Variants in TMEM255B observed in about 807,000 individuals in gnomAD.
TMEM255B encodes transmembrane protein 255B.
A neutral mutation model predicts 34.5 loss-of-function variants in TMEM255B; 35 were observed. That is an observed-to-expected ratio of 1.01 (90% CI 0.77 to 1.34). The LOEUF (loss-of-function observed/expected upper bound fraction) is 1.34, where lower values mean the gene tolerates loss of function less well. Ranked by LOEUF, TMEM255B falls within the 40% of genes most tolerant of loss-of-function variation. TMEM255B has a pLI of 0.00. For missense variants in TMEM255B, 432 were observed against 433.2 expected, an observed-to-expected ratio of 1.00 and a Z score of 0.02; for synonymous variants, 206 against 201.2, an observed-to-expected ratio of 1.02 and a Z score of -0.20.
chr13:113,791,618 A>C (rs1405664958), intron 3 of TMEM255B, among the ~76,000 whole-genome samples: 1 of 152,186 alleles, frequency 6.6e-6, no homozygotes, highest in East Asian at 1.9e-4. Context: ...TGAGCGAAAG[A>C]TGTTTAGAGC....
chr13:113,764,384 G>A (rs1178986780), intron 1 of TMEM255B, among the ~76,000 whole-genome samples: 1 of 152,200 alleles, frequency 6.6e-6, no homozygotes, highest in East Asian at 1.9e-4. Context: ...CGAACCCCAG[G>A]GCGTGTTCCT....
At chr13:113,783,581 G>A (rs1225103076) in intron 3 of TMEM255B, among the ~76,000 whole-genome samples, 1 of 152,170 alleles carries the variant, frequency 6.6e-6, no homozygotes, top group South Asian at 2.1e-4. Flanking sequence ...GTCAGACGTG[G>A]AGAAAATCAG....
chr13:113,773,723 G>A (rs923472061), intron 3 of TMEM255B, among the ~76,000 whole-genome samples: 3 of 152,238 alleles, frequency 2.0e-5, no homozygotes, highest in East Asian at 1.9e-4. Flanking sequence ...CTGGCTGTCC[G>A]TGAGTGCTGC....
chr13:113,807,187 G>A (rs540466255), intron 8 of TMEM255B, among the ~76,000 whole-genome samples: 2 of 152,210 alleles, frequency 1.3e-5, no homozygotes, highest in African/African-American at 4.8e-5. Flanking sequence ...CTTTGTGGAG[G>A]GAGGGGCTGG....
At chr13:113,801,488 G>A (rs573451440) in intron 6 of TMEM255B, among the ~76,000 whole-genome samples, 165 bp from the exon 7 acceptor site, 1 of 152,374 alleles carries the variant, frequency 6.6e-6, no homozygotes, top group East Asian at 1.9e-4. Context: ...AATCCCATCA[G>A]ACATAGGTTT....
In TMEM255B at chr13:113,802,511, C is replaced by T. The variant is rs527917682; in HGVS notation, c.669+699C>T. Among the ~76,000 whole-genome samples, 11 of 152,300 alleles carry T rather than the reference C, an allele frequency of 7.2e-5. No homozygotes were observed. The South Asian group carries it at 1.0e-3, about 14-fold the overall frequency. ...GAGTATCCAAACGGCAGCCCAGGGA[C>T]GAGGGGCGCCCCCTCTTGCACCCAC... On this transcript the variant is annotated intron_variant, in intron 7 of 8. Coordinates refer to ENST00000375353, the MANE Select transcript of TMEM255B (RefSeq NM_182614.4).
chr13:113,800,430 G>C lies in TMEM255B; in HGVS notation c.424-397G>C, dbSNP rs576040580. 3.3e-5 allele frequency among the ~76,000 whole-genome samples: 5 copies of C among 152,062 alleles called. No individual in the cohort carries two copies. The South Asian group carries it at 1.0e-3, about 32-fold the overall frequency. On this transcript the variant is annotated intron_variant, in intron 5 of 8. Transcript: ENST00000375353. ...TGAGGCTGCCAGTGCTCAAGCCTGG[G>C]GGGAGAGCGCCCTGGGACGGGGCCT...
intron 5 of TMEM255B, 92 bp downstream of exon 5, chr13:113,799,511 A>G (rs2051003490): frequency 4.9e-6 from 6 of 1,228,378 alleles, no homozygotes; most frequent in Non-Finnish European, 7.1e-6. Flanking sequence ...TGGTCTGAAT[A>G]TTTTGATTCT....
intron 8 of TMEM255B, among the ~76,000 whole-genome samples, chr13:113,805,619 G>T (rs928115642): frequency 6.6e-6 from 1 of 152,188 alleles, no homozygotes; most frequent in African/African-American, 2.4e-5. Flanking sequence ...ACCGGGCCAC[G>T]TTTCTTACCT....
At chr13:113,796,945 T>C (rs1469395663) in intron 4 of TMEM255B, among the ~76,000 whole-genome samples, 2 of 151,604 alleles carry the variant, frequency 1.3e-5, no homozygotes, top group African/African-American at 4.9e-5. Flanking sequence ...GCCCACATGC[T>C]CACACTCGCG....
At chr13:113,805,990 C>A (rs757247891) in intron 8 of TMEM255B, among the ~76,000 whole-genome samples, 1 of 152,136 alleles carries the variant, frequency 6.6e-6, no homozygotes, top group Admixed American at 6.5e-5. Flanking sequence ...TGTTTCTGTG[C>A]GGGGAAGGGC....
intron 8 of TMEM255B, among the ~76,000 whole-genome samples, chr13:113,810,788 C>T (rs989651493): frequency 6.6e-6 from 1 of 152,218 alleles, no homozygotes; most frequent in African/African-American, 2.4e-5. Flanking sequence ...GATGCCTCCA[C>T]GGCAACACCC....
Position 113,812,977 on chromosome 13 carries a change from A to ACAGGCAT in TMEM255B, c.*1075_*1076insAGGCATC, listed in dbSNP as rs1566342254. The ACAGGCAT allele has an allele frequency of 7.6e-6, 1 of 132,204 alleles. No individual in the cohort carries two copies. Among genetic ancestry groups the ACAGGCAT allele is most frequent in the African/African-American group, 2.8e-5 (1 of 36,262 alleles). The allele number at this position is 132,204 out of a possible 1,614,324, so 8.2% of individuals were successfully genotyped here. ...GTGGGTCACGGGCCCCGGGTGGGTC[A>ACAGGCAT]CGGGTCCCGGGTGGGTCACGGGTCC... On this transcript the variant is annotated 3_prime_UTR_variant, in exon 9 of 9. Coordinates refer to ENST00000375353, the MANE Select transcript of TMEM255B (RefSeq NM_182614.4).
At chr13:113,794,864 C>T (rs560813126) in intron 3 of TMEM255B, among the ~76,000 whole-genome samples, 10 of 152,232 alleles carry the variant, frequency 6.6e-5, no homozygotes, top group Non-Finnish European at 1.5e-4. Context: ...CACGCCCTGC[C>T]GTCTGGGGTT....
chr13:113,814,715 C>G lies in TMEM255B; in HGVS notation c.*2812C>G, dbSNP rs2138596675. The G allele has an allele frequency of 6.6e-6, 1 of 152,404 alleles. No homozygotes were observed. The highest frequency in any genetic ancestry group is 1.9e-4 in the East Asian group (1 of 5,154). The allele number at this position is 152,404 out of a possible 1,614,324, so 9.4% of individuals were successfully genotyped here. A position where few individuals can be genotyped will look rare whatever the true frequency, so the allele number is the denominator to read the frequency against. On this transcript the variant is annotated 3_prime_UTR_variant, in exon 9 of 9. Transcript: ENST00000375353. ...TGAGTCACGGTCTGATGAACCCCCT[C>G]TCTGGGCTCCGCTGGGGCCTTCTGA...
At chr13:113,766,754 C>A (rs1014842370) in intron 2 of TMEM255B, among the ~76,000 whole-genome samples, 1 of 152,170 alleles carries the variant, frequency 6.6e-6, no homozygotes, top group Non-Finnish European at 1.5e-5. Context: ...AGCCGTGGGT[C>A]AAAGATCGTA....
chr13:113,799,722 A>C (rs979277420), intron 5 of TMEM255B: 13 of 697,804 alleles, frequency 1.9e-5, no homozygotes, highest in Non-Finnish European at 3.5e-5. Flanking sequence ...AATTATTGCA[A>C]TAAGAAGCAA....
At position 113,812,269 on chromosome 13, in the gene TMEM255B, CTT is replaced by C. The variant is rs2051327287; in HGVS notation, c.*367_*368del. 1 of 276,782 alleles carries C rather than the reference CTT, an allele frequency of 3.6e-6. No homozygotes were observed. Among genetic ancestry groups the C allele is most frequent in the African/African-American group, 2.3e-5 (1 of 43,878 alleles). 17.1% of individuals were successfully genotyped at this position (276,782 alleles called of 1,614,324 possible). A position where few individuals can be genotyped will look rare whatever the true frequency, so the allele number is the denominator to read the frequency against. On this transcript the variant is annotated 3_prime_UTR_variant, in exon 9 of 9. Transcript: ENST00000375353. ...GCCCCGGCCTCCCTGCCTGTGTGTT[CTT>C]GTTTGTGGACATGTGTTGTGCGTTA...
intron 4 of TMEM255B, among the ~76,000 whole-genome samples, chr13:113,797,709 A>G (rs183274822): frequency 8.3e-4 from 126 of 152,346 alleles, no homozygotes; most frequent in African/African-American, 3.0e-3. Flanking sequence ...AGTGATTCTC[A>G]TTCTCATCTG....
Sources: allele counts gnomAD v4.1 joint callset (sites outside exome capture counted in the v4.1 genomes callset), GRCh38; gene constraint gnomAD v4.1.1; transcripts MANE v1.5; gene names NCBI Gene and HGNC (gene_info 2026-07-23, HGNC 2026-07-21).